RBFOX1: variants seen among roughly 807,000 people sequenced by gnomAD.
RBFOX1 encodes RNA binding protein fox-1 homolog 1.
RBFOX1 carries 8 observed loss-of-function variants against 57.7 expected under a neutral mutation model. That is an observed-to-expected ratio of 0.14 (90% CI 0.08 to 0.25). RBFOX1 has a LOEUF of 0.25. Ranked by LOEUF, RBFOX1 falls within the 10% of genes least tolerant of loss-of-function variation. The pLI, the probability that RBFOX1 is intolerant of heterozygous loss-of-function variation, is 1.00. For missense variants in RBFOX1, 611 were observed against 548.5 expected (o/e 1.11, Z -1.14); for synonymous variants, 326 against 222.4 (o/e 1.47, Z -4.15).
intron 4 of RBFOX1, among the ~76,000 whole-genome samples, chr16:7,516,663 A>T (rs947702513): frequency 1.3e-5 from 2 of 152,216 alleles, no homozygotes; most frequent in Non-Finnish European, 2.9e-5. Flanking sequence ...AGTGGCACAG[A>T]CATTTGGCGA....
At chr16:6,833,763 G>T (rs1603630238) in intron 3 of RBFOX1, among the ~76,000 whole-genome samples, 1 of 152,166 alleles carries the variant, frequency 6.6e-6, no homozygotes, top group African/African-American at 2.4e-5. Flanking sequence ...TGGATGGGAA[G>T]GTTCATTGAA....
At chr16:6,363,635 C>T (rs1051051292) in intron 2 of RBFOX1, among the ~76,000 whole-genome samples, 9 of 152,140 alleles carry the variant, frequency 5.9e-5, no homozygotes, top group Non-Finnish European at 7.3e-5. Flanking sequence ...ACAGACAGTT[C>T]GGAGACTAAA....
chr16:6,535,764 C>G (rs2096726573), intron 2 of RBFOX1, among the ~76,000 whole-genome samples: 1 of 152,204 alleles, frequency 6.6e-6, no homozygotes, highest in Non-Finnish European at 1.5e-5. Flanking sequence ...GGGGCTATCA[C>G]AACCAGCATA....
At chr16:6,695,472 C>CATAATTAA (rs2060906518) in intron 3 of RBFOX1, among the ~76,000 whole-genome samples, 1 of 139,664 alleles carries the variant, frequency 7.2e-6, no homozygotes, top group Admixed American at 7.0e-5. Context: ...AAGAAAATGA[C>CATAATTAA]ATAATTAAAT....
At chr16:5,280,980 G>A (rs1002998740) in intron 1 of RBFOX1, among the ~76,000 whole-genome samples, 6 of 151,760 alleles carry the variant, frequency 4.0e-5, no homozygotes, top group South Asian at 4.1e-4. Context: ...GTAATTGTGT[G>A]TTTGGTTTGT....
At position 7,709,092 on chromosome 16, in the gene RBFOX1, C is replaced by G. The variant is rs534312610; in HGVS notation, c.1032C>G (p.His344Gln). Reference sequence around the variant, plus strand: ...TTTATGCTGCCGACCCCTACCACCACGCACTTGCTCCAGCCCCCACCTACG... The same window carrying G: ...TTTATGCTGCCGACCCCTACCACCAGGCACTTGCTCCAGCCCCCACCTACG... The part of the protein sequence containing the change: ...GRVYAADPYH[H>Q]ALAPAPTYGV... Residue 344 changes from histidine to glutamine, a missense_variant, in exon 15 of 16, where the codon CAC (histidine) becomes CAG (glutamine). By Grantham distance (24) the His-to-Gln change is conservative. Coordinates refer to ENST00000550418, the MANE Select transcript of RBFOX1 (RefSeq NM_018723.4). 2.5e-6 allele frequency: 4 copies of G among 1,613,632 alleles called. No homozygotes were observed. Among genetic ancestry groups the G allele is most frequent in the Non-Finnish European group, 1.7e-6 (2 of 1,179,742 alleles).
intron 3 of RBFOX1, among the ~76,000 whole-genome samples, chr16:6,967,038 G>A (rs926196332): frequency 1.7e-4 from 26 of 151,658 alleles, no homozygotes; most frequent in Admixed American, 7.9e-4. Flanking sequence ...TTATCTGTAC[G>A]TGCATCCACC....
intron 5 of RBFOX1, among the ~76,000 whole-genome samples, chr16:7,578,067 G>A (rs1312720356): frequency 6.6e-6 from 1 of 152,184 alleles, no homozygotes; most frequent in Non-Finnish European, 1.5e-5. Context: ...ATAAGCAAAT[G>A]AAAACCTTTC....
At chr16:6,771,673 T>C (rs1369688818) in intron 3 of RBFOX1, among the ~76,000 whole-genome samples, 4 of 152,210 alleles carry the variant, frequency 2.6e-5, no homozygotes, top group African/African-American at 9.7e-5. Context: ...GGAGGCATTT[T>C]TGATTGTCAT....
At chr16:7,233,214 CT>C (rs138143623) in intron 4 of RBFOX1, among the ~76,000 whole-genome samples, 53,801 of 144,316 alleles carry the variant, frequency 0.37, 10,090 homozygotes, top group East Asian at 0.67. Flanking sequence ...TAAACTCATC[CT>C]TTTTTTTTTT....
chr16:5,948,376 G>A (rs990867477), intron 4 of RBFOX1, among the ~76,000 whole-genome samples: 25 of 152,164 alleles, frequency 1.6e-4, no homozygotes, highest in Admixed American at 1.4e-3. Flanking sequence ...GTCCAGCAGT[G>A]GGGACATTGA....
intron 1 of RBFOX1, 120 bp downstream of exon 1, chr16:6,020,112 G>A (rs1232837242): frequency 1.7e-6 from 2 of 1,170,830 alleles, no homozygotes; most frequent in Admixed American, 3.5e-5. Flanking sequence ...GCGCCAGTCT[G>A]GGCGCTCTGG....
chr16:6,513,749 AAAC>A (rs1481401444), intron 2 of RBFOX1, among the ~76,000 whole-genome samples: 10 of 150,030 alleles, frequency 6.7e-5, no homozygotes, highest in African/African-American at 1.5e-4. Context: ...ACAAACAAAC[AAAC>A]AAAAAAAAAC....
chr16:6,894,710 A>C (rs527473148), intron 3 of RBFOX1, among the ~76,000 whole-genome samples: 1 of 152,322 alleles, frequency 6.6e-6, no homozygotes, highest in South Asian at 2.1e-4. Flanking sequence ...TTCATGAATT[A>C]AAATTTTGTA....
chr16:6,947,033 G>T (rs2079673720), intron 3 of RBFOX1, among the ~76,000 whole-genome samples: 1 of 152,116 alleles, frequency 6.6e-6, no homozygotes. Context: ...CCTCTCTCCT[G>T]GCCTCAGGCT....
At chr16:7,115,497 G>A (rs2065696599) in intron 4 of RBFOX1, among the ~76,000 whole-genome samples, 1 of 152,172 alleles carries the variant, frequency 6.6e-6, no homozygotes, top group Admixed American at 6.6e-5. Flanking sequence ...GTTTTGGCAG[G>A]TGTTGGCAGG....
intron 4 of RBFOX1, among the ~76,000 whole-genome samples, chr16:7,395,122 A>G (rs1182224776): frequency 6.6e-6 from 1 of 151,426 alleles, no homozygotes; most frequent in Non-Finnish European, 1.5e-5. Context: ...TCCAATCTGT[A>G]GCTAAGAACT....
chr16:6,266,639 A>T (rs1011589778), intron 1 of RBFOX1, among the ~76,000 whole-genome samples: 1 of 151,868 alleles, frequency 6.6e-6, no homozygotes, highest in Non-Finnish European at 1.5e-5. Flanking sequence ...CCTTGAACCC[A>T]GGAGGCGAAG....
chr16:6,401,610 T>A (rs535667369), intron 2 of RBFOX1, among the ~76,000 whole-genome samples: 1 of 152,312 alleles, frequency 6.6e-6, no homozygotes, highest in South Asian at 2.1e-4. Flanking sequence ...CATTTTTCAG[T>A]CATTTTGTAG....
Sources: gnomAD v4.1 joint callset for allele counts (sites outside exome capture counted in the v4.1 genomes callset) on GRCh38, gnomAD v4.1.1 for gene constraint, MANE v1.5 for transcripts, NCBI Gene and HGNC (gene_info 2026-07-23, HGNC 2026-07-21) for gene names.